The following ZMYM2 variants were observed in gnomAD, a reference collection of about 807,000 sequenced individuals.
The protein encoded by ZMYM2 is zinc finger MYM-type containing 2, also known as zinc finger MYM-type protein 2.
A neutral mutation model predicts 162.8 loss-of-function variants in ZMYM2; 56 were observed. That is an observed-to-expected ratio of 0.34 (90% CI 0.28 to 0.43). The LOEUF is 0.43. Ranked by LOEUF, ZMYM2 falls within the 20% of genes least tolerant of loss-of-function variation. The pLI is 1.00. For missense variants in ZMYM2, 1,275 were observed against 1,621.8 expected (o/e 0.79, Z 3.67); for synonymous variants, 510 against 541.6 (o/e 0.94, Z 0.81).
At chr13:19,869,713 G>C in the ZMYM2 span, among the ~76,000 whole-genome samples, 2 of 152,034 alleles carry the variant, frequency 1.3e-5, no homozygotes, top group Non-Finnish European at 2.9e-5. Context: ...GCTTGAGCCC[G>C]GAAGGTTGAG....
the ZMYM2 span, among the ~76,000 whole-genome samples, chr13:19,911,097 T>A: frequency 6.7e-6 from 1 of 149,206 alleles, no homozygotes; most frequent in Non-Finnish European, 1.5e-5. Context: ...GTCCAGCTAA[T>A]TTTGGCTGGA....
intron 2 of ZMYM2, among the ~76,000 whole-genome samples, chr13:19,970,262 T>TA (rs1356544734): frequency 6.6e-6 from 1 of 152,204 alleles, no homozygotes; most frequent in Admixed American, 6.5e-5. Flanking sequence ...TTGTAGTTTT[T>TA]AAACTATGTT....
intron 11 of ZMYM2, 29 bp downstream of exon 11, chr13:20,034,433 A>T: frequency 6.9e-7 from 1 of 1,454,642 alleles, no homozygotes; most frequent in African/African-American, 1.5e-5. Flanking sequence ...GTTGTTCATA[A>T]CATTTATTGA....
intron 1 of ZMYM2, among the ~76,000 whole-genome samples, chr13:19,959,169 CCGGCGGGGCGGCGGGACGGCGGGA>C (rs1195196616): frequency 8.8e-5 from 13 of 147,838 alleles, no homozygotes; most frequent in Non-Finnish European, 1.7e-4. Flanking sequence ...GGTCGCGGGG[CCGGCGGGGCGGCGGGACGGCGGGA>C]CGGCGGGGCG....
At chr13:19,868,421 C>T in the ZMYM2 span, among the ~76,000 whole-genome samples, 1 of 152,104 alleles carries the variant, frequency 6.6e-6, no homozygotes. Flanking sequence ...TTCATATTTC[C>T]TTGCTTTCTG....
Position 20,019,636 on chromosome 13 carries a change from T to G in ZMYM2, c.1584+18T>G, listed in dbSNP as rs1335970709. ...AGCCTGAGGTAAGCAGGAATGTAAA[T>G]GGAGTTCAAGGCCTTAACATTTTTG... On this transcript the variant is annotated intron_variant, in intron 7 of 24. Coordinates refer to ENST00000610343, the MANE Select transcript of ZMYM2 (RefSeq NM_197968.4). The G allele has an allele frequency of 3.8e-6, 6 of 1,578,376 alleles. No individual in the cohort carries two copies. Among genetic ancestry groups the G allele is most frequent in the African/African-American group, 1.3e-5 (1 of 74,356 alleles).
intron 11 of ZMYM2, among the ~76,000 whole-genome samples, chr13:20,034,965 A>G (rs934648515): frequency 6.6e-6 from 1 of 152,220 alleles, no homozygotes; most frequent in Non-Finnish European, 1.5e-5. Flanking sequence ...TTCAAATTCT[A>G]AATCTACTTA....
intron 6 of ZMYM2, among the ~76,000 whole-genome samples, chr13:20,016,642 T>C (rs1951655485): frequency 6.6e-6 from 1 of 152,174 alleles, no homozygotes; most frequent in South Asian, 2.1e-4. Flanking sequence ...AGCTTTTTTT[T>C]CTCTATTATT....
chr13:20,059,314 T>TA (rs1319202755), intron 15 of ZMYM2, 133 bp from the exon 16 acceptor site: 7 of 870,516 alleles, frequency 8.0e-6, no homozygotes, highest in Admixed American at 4.9e-5. Flanking sequence ...TTACCTAACT[T>TA]AAAAAAACTG....
chr13:20,001,076 A>G (rs545961116), intron 3 of ZMYM2, among the ~76,000 whole-genome samples: 3 of 152,212 alleles, frequency 2.0e-5, no homozygotes, highest in Non-Finnish European at 4.4e-5. Context: ...TGGAAATAGC[A>G]TGAGAACTAG....
intron 2 of ZMYM2, among the ~76,000 whole-genome samples, chr13:19,973,670 C>CAA (rs529880853): frequency 0.011 from 670 of 58,898 alleles, 19 homozygotes; most frequent in African/African-American, 0.046. Context: ...AACTCCATCT[C>CAA]AAAAAAAAAA....
chr13:20,024,180 A>T (rs1004320054), intron 7 of ZMYM2, among the ~76,000 whole-genome samples: 3 of 151,762 alleles, frequency 2.0e-5, no homozygotes, highest in Non-Finnish European at 1.5e-5. Context: ...TGATCTGCCC[A>T]CCTCAGCCTC....
At chr13:19,885,943 A>ACACATATATGTG in the ZMYM2 span, among the ~76,000 whole-genome samples, 5 of 24,416 alleles carry the variant, frequency 2.0e-4, 2 homozygotes, top group Admixed American at 8.5e-4. Context: ...ACACATATAT[A>ACACATATATGTG]TGTATATACA....
At chr13:19,925,759 T>TA in the ZMYM2 span, among the ~76,000 whole-genome samples, 1 of 151,068 alleles carries the variant, frequency 6.6e-6, no homozygotes, top group Non-Finnish European at 1.5e-5. Flanking sequence ...TATTCCCAGT[T>TA]ACTCGGGAGG....
chr13:20,038,400 T>G (rs1347318550), intron 12 of ZMYM2, among the ~76,000 whole-genome samples: 1 of 152,220 alleles, frequency 6.6e-6, no homozygotes, highest in Admixed American at 6.5e-5. Context: ...GGGGTTTTTA[T>G]AGTTTTGGGT....
intron 19 of ZMYM2, among the ~76,000 whole-genome samples, chr13:20,065,525 A>C (rs1178081491): frequency 6.6e-6 from 1 of 152,196 alleles, no homozygotes; most frequent in Non-Finnish European, 1.5e-5. Context: ...GGGGCCAGGC[A>C]CAGTGGCACC....
chr13:20,015,713 C>G (rs889633243), intron 6 of ZMYM2, among the ~76,000 whole-genome samples: 2 of 151,980 alleles, frequency 1.3e-5, no homozygotes, highest in Admixed American at 1.3e-4. Context: ...TAAGTAGACC[C>G]TTTGTTCAGT....
chr13:20,083,122 G>A, intron 23 of ZMYM2, 90 bp downstream of exon 23: 2 of 1,344,950 alleles, frequency 1.5e-6, no homozygotes, highest in Non-Finnish European at 2.0e-6. Context: ...GAGTGCAGTG[G>A]TGCAGTCTCG....
chr13:19,871,726 C>T, the ZMYM2 span, among the ~76,000 whole-genome samples: 1 of 152,138 alleles, frequency 6.6e-6, no homozygotes, highest in South Asian at 2.1e-4. Context: ...AATTGATCTG[C>T]ACCCAATAAT....
Sources: allele counts gnomAD v4.1 joint callset (sites outside exome capture counted in the v4.1 genomes callset), GRCh38; gene constraint gnomAD v4.1.1; transcripts MANE v1.5; gene names NCBI Gene and HGNC (gene_info 2026-07-23, HGNC 2026-07-21).